Variants in TENM2 observed in about 807,000 individuals in gnomAD.
TENM2 encodes the protein teneurin-2.
In TENM2, 52 loss-of-function variants were observed where a neutral mutation model predicts 245.2. The observed-to-expected ratio is 0.21, with a 90% confidence interval of 0.17 to 0.27. TENM2 has a LOEUF of 0.27. TENM2 is among the 10% of genes least tolerant of loss of function. The pLI, the probability that TENM2 is intolerant of heterozygous loss-of-function variation, is 1.00. For missense variants in TENM2, 3,046 were observed against 3,666.8 expected (o/e 0.83, Z 4.37); for synonymous variants, 1,363 against 1,438.9 (o/e 0.95, Z 1.19).
intron 3 of TENM2, among the ~76,000 whole-genome samples, chr5:167,918,089 C>T (rs1005156949): frequency 6.6e-6 from 1 of 152,168 alleles, no homozygotes. Flanking sequence ...GAAGGTTAAA[C>T]AACAGTGAGA....
chr5:167,760,167 T>C (rs1270834036), intron 2 of TENM2, among the ~76,000 whole-genome samples: 3 of 152,164 alleles, frequency 2.0e-5, no homozygotes, highest in East Asian at 1.9e-4. Flanking sequence ...CATTTTATCC[T>C]CAATGGCTTT....
chr5:167,953,019 T>C (rs1251543026), intron 4 of TENM2, among the ~76,000 whole-genome samples, 197 bp downstream of exon 6: 1 of 152,238 alleles, frequency 6.6e-6, no homozygotes, highest in Non-Finnish European at 1.5e-5. Context: ...TTCGTTCACA[T>C]GTGTCTCCTT....
intron 2 of TENM2, among the ~76,000 whole-genome samples, chr5:167,515,680 T>TACACA (rs1283561249): frequency 1.6e-4 from 9 of 55,774 alleles, no homozygotes; most frequent in Non-Finnish European, 2.1e-4. Flanking sequence ...TGTATATATA[T>TACACA]TTTGAGAGGG....
At chr5:167,757,498 G>A (rs1199274470) in intron 2 of TENM2, among the ~76,000 whole-genome samples, 1 of 152,066 alleles carries the variant, frequency 6.6e-6, no homozygotes, top group East Asian at 1.9e-4. Context: ...TCATCGATGG[G>A]CATTTGGGTT....
chr5:167,253,090 T>TTTA, the TENM2 span, among the ~76,000 whole-genome samples: 312 of 151,918 alleles, frequency 2.1e-3, 2 homozygotes, highest in African/African-American at 7.2e-3. Flanking sequence ...GGTGTCTTTT[T>TTTA]TTATTATTAT....
intron 2 of TENM2, among the ~76,000 whole-genome samples, chr5:167,523,620 C>A (rs542066752): frequency 6.6e-6 from 1 of 152,082 alleles, no homozygotes; most frequent in Non-Finnish European, 1.5e-5. Flanking sequence ...CTATTCTATG[C>A]GCCACATTTG....
At chr5:167,062,730 T>C in the TENM2 span, among the ~76,000 whole-genome samples, 2 of 152,138 alleles carry the variant, frequency 1.3e-5, no homozygotes, top group Non-Finnish European at 2.9e-5. Context: ...AAGAAAATAA[T>C]TTCACATAGC....
chr5:167,558,259 G>C (rs1309785182), intron 2 of TENM2, among the ~76,000 whole-genome samples: 1 of 152,218 alleles, frequency 6.6e-6, no homozygotes, highest in Non-Finnish European at 1.5e-5. Flanking sequence ...ACACTCCCAA[G>C]GCTGAGGTAG....
chr5:168,160,021 C>T (rs1281065970), intron 12 of TENM2, among the ~76,000 whole-genome samples: 1 of 152,114 alleles, frequency 6.6e-6, no homozygotes, highest in East Asian at 1.9e-4. Context: ...TGAATTTAGT[C>T]AGACATGAGA....
intron 12 of TENM2, among the ~76,000 whole-genome samples, chr5:168,127,273 A>C (rs1385864524): frequency 6.6e-6 from 1 of 152,204 alleles, no homozygotes; most frequent in Non-Finnish European, 1.5e-5. Flanking sequence ...AAGCACCTCA[A>C]ATCACTGTGG....
At chr5:167,964,074 T>C (rs1320912685) in intron 4 of TENM2, among the ~76,000 whole-genome samples, 1 of 152,196 alleles carries the variant, frequency 6.6e-6, no homozygotes, top group East Asian at 1.9e-4. Flanking sequence ...ACCCTCCACC[T>C]TCCTCCCAGC....
the TENM2 span, among the ~76,000 whole-genome samples, chr5:167,184,427 A>G: frequency 1.3e-5 from 2 of 152,314 alleles, no homozygotes; most frequent in Non-Finnish European, 2.9e-5. Context: ...TAAATTACAC[A>G]TAAACATTGT....
At chr5:168,207,426 AGGCGGAATGT>A (rs967815017) in intron 19 of TENM2, among the ~76,000 whole-genome samples, 3 of 152,178 alleles carry the variant, frequency 2.0e-5, no homozygotes, top group Admixed American at 6.5e-5. Context: ...GGACAGCTTG[AGGCGGAATGT>A]GGCTCCCAGT....
At chr5:167,570,360 A>G (rs1430850677) in intron 2 of TENM2, among the ~76,000 whole-genome samples, 1 of 44,738 alleles carries the variant, frequency 2.2e-5, no homozygotes, top group Non-Finnish European at 5.5e-5. Context: ...TGTCATTCAG[A>G]GTGGCATTTT....
intron 7 of TENM2, among the ~76,000 whole-genome samples, chr5:168,086,055 G>A (rs1792427106): frequency 6.6e-6 from 1 of 152,136 alleles, no homozygotes; most frequent in African/African-American, 2.4e-5. Context: ...TTTTTGGGGG[G>A]TCCTGGACCC....
At position 168,120,419 on chromosome 5, in the gene TENM2, C is replaced by T. The variant is rs150447614; in HGVS notation, c.2008+1933C>T. Among the ~76,000 whole-genome samples the T allele has an allele frequency of 9.6e-4, 146 of 152,246 alleles. 1 individual carries two copies. Among genetic ancestry groups the T allele is most frequent in the Non-Finnish European group, 1.2e-3 (85 of 68,006 alleles). On this transcript the variant is annotated intron_variant, in intron 10 of 28. Coordinates refer to ENST00000518659, the Ensembl canonical transcript of TENM2. ...GAAAACATAAGAGAGGCCAATAATA[C>T]GACAAGAAAGGTTAAAACGACCTTT... is the stretch of plus-strand genomic sequence containing the variant.
chr5:167,700,554 C>G (rs1488845023), intron 2 of TENM2, among the ~76,000 whole-genome samples: 1 of 152,170 alleles, frequency 6.6e-6, no homozygotes, highest in Non-Finnish European at 1.5e-5. Context: ...AGGGACTGAG[C>G]TGGGATTGGA....
chr5:167,705,828 C>G (rs72830079), intron 2 of TENM2, among the ~76,000 whole-genome samples: 2,328 of 151,854 alleles, frequency 0.015, 24 homozygotes, highest in South Asian at 0.03. Flanking sequence ...AGGAGTTTGA[C>G]TATTTTAGAT....
chr5:168,084,604 T>A (rs1052714316), intron 7 of TENM2, among the ~76,000 whole-genome samples: 3 of 152,178 alleles, frequency 2.0e-5, no homozygotes, highest in African/African-American at 7.2e-5. Flanking sequence ...GGAGAAAGAA[T>A]AGGCCAGGCA....
Sources: allele counts gnomAD v4.1 joint callset (sites outside exome capture counted in the v4.1 genomes callset), GRCh38; gene constraint gnomAD v4.1.1; transcripts MANE v1.5; gene names NCBI Gene and HGNC (gene_info 2026-07-23, HGNC 2026-07-21).